ANKRD24: variants seen among roughly 807,000 people sequenced by gnomAD.
ANKRD24 encodes the protein ankyrin repeat domain 24, also known as ankyrin repeat domain-containing protein 24.
A neutral mutation model predicts 127.8 loss-of-function variants in ANKRD24; 109 were observed. The observed-to-expected ratio is 0.85, with a 90% CI of 0.73 to 1.00. ANKRD24 has a LOEUF of 1.00. Ranked by LOEUF, ANKRD24 falls within the 50% of genes least tolerant of loss-of-function variation. ANKRD24 has a pLI of 0.00. For missense variants in ANKRD24, 1,648 were observed against 1,570.2 expected (o/e 1.05, Z -0.84); for synonymous variants, 743 against 671.1 (o/e 1.11, Z -1.66).
rs1197547674 is a variant in ANKRD24 at position 4,216,780 on chromosome 19, G to A, written c.1620G>A (p.Gly540=). 1.2e-5 allele frequency: 19 copies of A among 1,597,092 alleles called. No individual in the cohort carries two copies. Among genetic ancestry groups the A allele is most frequent in the Non-Finnish European group, 1.6e-5 (19 of 1,172,378 alleles). The change falls in exon 18 of 22, where the codon GGG becomes GGA. Residue 540 remains glycine (G), a synonymous_variant. Coordinates refer to ENST00000318934, the MANE Select transcript of ANKRD24 (RefSeq NM_001393985.1). ...EVAGATATKN[G]PTHMELNGSV... ...CTGGAGCCACGGCCACCAAAAACGG[G>A]CCAACCCACATGGAGCTAAATGGCT...
In ANKRD24 at chr19:4,216,603, A is replaced by C; in HGVS notation, c.1443A>C (p.Ala481=). The change falls in exon 18 of 22, where the codon GCA becomes GCC. Residue 481 remains alanine (A), a synonymous_variant. Coordinates refer to ENST00000318934, the MANE Select transcript of ANKRD24 (RefSeq NM_001393985.1). ...DETQMEVEAL[A]EVIPLALYDS... is the part of the protein sequence containing the mutation. ...CACAGATGGAAGTGGAAGCTTTGGC[A>C]GAGGTCATCCCTCTTGCCCTCTATG... 1 of 1,612,010 alleles carries C rather than the reference A, an allele frequency of 6.2e-7. No homozygotes were observed. The highest frequency in any genetic ancestry group is 8.5e-7 in the Non-Finnish European group (1 of 1,179,142).
rs761006591 is a variant in ANKRD24 at position 4,197,008 on chromosome 19, CA to C, written c.37-2674del. On this transcript the variant is annotated intron_variant, in intron 2 of 21. Transcript: ENST00000318934. ...CTAGCTCTTTCTGTGAGGAACGAGT[CA>C]CAGTTTTATGGTGCGCTTACTGTAT... 2.6e-5 allele frequency among the ~76,000 whole-genome samples: 4 copies of C among 152,150 alleles called. No homozygotes were observed. In the South Asian group the frequency reaches 8.3e-4, roughly 31 times the overall value.
chr19:4,198,390 C>A lies in ANKRD24; in HGVS notation c.37-1293C>A. On this transcript the variant is annotated intron_variant, in intron 2 of 21. Transcript: ENST00000318934. This position sits in a 1 kb window ranked among gnomAD's most constrained non-coding sequence, Gnocchi z 6.1. ...GGCGGGGCGGGGAGCTCCGGCAGCG[C>A]CCAGCCCCGCCCTCCGGCCGCTCCC... 2.3e-6 allele frequency: 1 copy of A among 442,224 alleles called. No individual in the cohort carries two copies. The highest frequency in any genetic ancestry group is 4.0e-6 in the Non-Finnish European group (1 of 251,134). 27.4% of individuals were successfully genotyped at this position (442,224 alleles called of 1,614,324 possible). A position where few individuals can be genotyped will look rare whatever the true frequency, so the allele number is the denominator to read the frequency against.
At chr19:4,206,614 C>T (rs1217671093) in intron 7 of ANKRD24, among the ~76,000 whole-genome samples, 2 of 151,976 alleles carry the variant, frequency 1.3e-5, no homozygotes, top group Non-Finnish European at 1.5e-5. Flanking sequence ...GGCAACACAG[C>T]GAGACCCCGT....
intron 2 of ANKRD24, among the ~76,000 whole-genome samples, chr19:4,189,837 A>G (rs2145222932): frequency 6.6e-6 from 1 of 152,234 alleles, no homozygotes; most frequent in Admixed American, 6.5e-5. Flanking sequence ...AGAGAGGTTA[A>G]GACACCTGCT....
At position 4,217,720 on chromosome 19, in the gene ANKRD24, C is replaced by T. The variant is rs1267733149; in HGVS notation, c.2560C>T (p.Arg854Trp). Reference protein sequence around the residue: ...LEQSRELEVLREQLATARATG... With the variant: ...LEQSRELEVLWEQLATARATG... ...GCAGAGCCGGGAGCTGGAGGTTCTG[C>T]GGGAGCAGCTGGCCACGGCCAGGGC... is the stretch of plus-strand genomic sequence containing the variant. Residue 854 changes from arginine to tryptophan, a missense_variant, in exon 18 of 22, where the codon CGG (arginine) becomes TGG (tryptophan). Arg to Trp is a moderately radical substitution (Grantham distance 101). Transcript: ENST00000318934. 7.7e-6 allele frequency: 10 copies of T among 1,292,280 alleles called. No homozygotes were observed. Among genetic ancestry groups the T allele is most frequent in the East Asian group, 3.4e-5 (1 of 29,698 alleles). 80.1% of individuals were successfully genotyped at this position (1,292,280 alleles called of 1,614,324 possible). A position where few individuals can be genotyped will look rare whatever the true frequency, so the allele number is the denominator to read the frequency against.
At chr19:4,194,303 C>T (rs1968572169) in intron 2 of ANKRD24, among the ~76,000 whole-genome samples, 2 of 152,176 alleles carry the variant, frequency 1.3e-5, no homozygotes, top group South Asian at 4.1e-4. Flanking sequence ...CAGGCGTGCA[C>T]CACCGTGCCC....
At chr19:4,222,523 G>A (rs535757284) in intron 19 of ANKRD24, 147 bp from the exon 20 acceptor site, 77 of 818,532 alleles carry the variant, frequency 9.4e-5, no homozygotes, top group South Asian at 3.7e-4. Flanking sequence ...TGGGCCAGAC[G>A]TGGCCCTCAG....
In ANKRD24 at chr19:4,207,805, G is replaced by C; in HGVS notation, c.669G>C (p.Glu223Asp). 6.4e-7 allele frequency: 1 copy of C among 1,574,406 alleles called. No homozygotes were observed. The highest frequency in any genetic ancestry group is 8.6e-7 in the Non-Finnish European group (1 of 1,160,968). ...GGACGGCCCTGATGCTGGCCTGTGAGGGGGCCAGCCCCGAAACAGTGGAGG... is the reference window on the plus strand; with the variant it reads ...GGACGGCCCTGATGCTGGCCTGTGACGGGGCCAGCCCCGAAACAGTGGAGG... ...QGRTALMLAC[E>D]GASPETVEVL... The change falls in exon 10 of 22, where the codon GAG becomes GAC. Residue 223 changes from glutamate (E) to aspartate (D), a missense_variant. Physicochemically the swap from Glu to Asp is conservative, Grantham distance 45. Coordinates refer to ENST00000318934, the MANE Select transcript of ANKRD24 (RefSeq NM_001393985.1).
intron 6 of ANKRD24, 123 bp downstream of exon 6, chr19:4,202,213 C>T (rs1969132525): frequency 1.2e-6 from 1 of 862,074 alleles, no homozygotes. Context: ...TACTCCAGAA[C>T]CCTAGCTACT....
Position 4,212,495 on chromosome 19 carries a change from G to C in ANKRD24, c.1080G>C (p.Leu360=). 1 of 1,570,222 alleles carries C rather than the reference G, an allele frequency of 6.4e-7. No individual in the cohort carries two copies. Among genetic ancestry groups the C allele is most frequent in the South Asian group, 1.2e-5 (1 of 85,040 alleles). The change falls in exon 14 of 22, where the codon CTG becomes CTC. Residue 360 remains leucine (L), a synonymous_variant. Transcript: ENST00000318934. ...RQQESPEASS[L]HILERQVQEL... ...GTCAGTCCCCGGAGGCCAGCTCCCT[G>C]CACATCCTGGAGAGACAGGTAGGTG... is the stretch of plus-strand genomic sequence containing the variant.
At chr19:4,204,769 G>A (rs1156402386) in intron 7 of ANKRD24, among the ~76,000 whole-genome samples, 2 of 152,196 alleles carry the variant, frequency 1.3e-5, no homozygotes, top group African/African-American at 4.8e-5. Flanking sequence ...CTCTGCAGTT[G>A]GAGTATGCTG....
rs1038414144 is a variant in ANKRD24 at position 4,198,664 on chromosome 19, G to T, written c.37-1019G>T. The T allele has an allele frequency of 6.9e-5, 27 of 389,732 alleles. No individual in the cohort carries two copies. Among genetic ancestry groups the T allele is most frequent in the African/African-American group, 3.1e-4 (12 of 38,596 alleles). The allele number at this position is 389,732 out of a possible 1,614,324, so 24.1% of individuals were successfully genotyped here. A position where few individuals can be genotyped will look rare whatever the true frequency, so the allele number is the denominator to read the frequency against. ...GGAAAGATGGTCGGCGGCGGGGGGT[G>T]GGGGGGAACAGAGGTTGGGGCAGCT... On this transcript the variant is annotated intron_variant, in intron 2 of 21. Coordinates refer to ENST00000318934, the MANE Select transcript of ANKRD24 (RefSeq NM_001393985.1). This position sits in a 1 kb window ranked among gnomAD's most constrained non-coding sequence, Gnocchi z 6.1.
chr19:4,216,163 C>A (rs533606759), intron 16 of ANKRD24, 113 bp downstream of exon 16: 2 of 1,344,472 alleles, frequency 1.5e-6, no homozygotes, highest in African/African-American at 1.5e-5. Context: ...TGTACTCATC[C>A]GTTTTTTAAA....
intron 15 of ANKRD24, among the ~76,000 whole-genome samples, chr19:4,213,206 C>T (rs1215285345): frequency 6.6e-6 from 1 of 151,710 alleles, no homozygotes; most frequent in Non-Finnish European, 1.5e-5. Flanking sequence ...AAGGACCTTC[C>T]TTTCTTCCCC....
intron 10 of ANKRD24, 52 bp from the exon 11 acceptor site, chr19:4,208,712 C>G (rs1969530541): frequency 1.3e-6 from 2 of 1,584,522 alleles, no homozygotes; most frequent in South Asian, 2.3e-5. Flanking sequence ...CCACCAATGC[C>G]CTTCCTGGGC....
chr19:4,185,771 G>T (rs551258935), intron 1 of ANKRD24, among the ~76,000 whole-genome samples: 16 of 152,328 alleles, frequency 1.1e-4, no homozygotes, highest in Middle Eastern at 3.4e-3. Context: ...CCTGGCTTCA[G>T]TCCCCAGGGA....
chr19:4,202,804 C>T lies in ANKRD24; in HGVS notation c.409-65C>T, dbSNP rs553289586. 30 of 1,512,548 alleles carry T rather than the reference C, an allele frequency of 2.0e-5. No individual in the cohort carries two copies. In the South Asian group the frequency reaches 3.4e-4, roughly 17 times the overall value. The allele number at this position is 1,512,548 out of a possible 1,614,324, so 93.7% of individuals were successfully genotyped here. A position where few individuals can be genotyped will look rare whatever the true frequency, so the allele number is the denominator to read the frequency against. On this transcript the variant is annotated intron_variant, in intron 6 of 21. Transcript: ENST00000318934. ...ATAGCAGAGCCCAGGGTAGGGAAGG[C>T]AGTCCTAGAGAAATCAGGCAGCAAG...
chr19:4,215,465 CAAAAA>C (rs61437900), intron 15 of ANKRD24, among the ~76,000 whole-genome samples: 2 of 116,890 alleles, frequency 1.7e-5, no homozygotes, highest in African/African-American at 3.5e-5. Context: ...AGCCTGGGGG[CAAAAA>C]AAAAAAAAAA....
Sources: allele counts gnomAD v4.1 joint callset (sites outside exome capture counted in the v4.1 genomes callset), GRCh38; gene constraint gnomAD v4.1.1; non-coding constraint Gnocchi (gnomAD v3.1); transcripts MANE v1.5; gene names NCBI Gene and HGNC (gene_info 2026-07-23, HGNC 2026-07-21).